TULP1: variants seen among roughly 807,000 people sequenced by gnomAD.
TULP1 encodes tubby-related protein 1.
A neutral mutation model predicts 67.1 loss-of-function variants in TULP1; 50 were observed. The observed-to-expected ratio is 0.75, with a 90% CI of 0.59 to 0.94. The LOEUF is 0.94. Ranked by LOEUF, TULP1 falls within the 40% of genes least tolerant of loss-of-function variation. TULP1 has a pLI of 0.00. For synonymous variants in TULP1, 297 were observed against 294.0 expected (o/e 1.01, Z -0.11); for missense variants, 746 against 734.1 (o/e 1.02, Z -0.19).
chr6:35,506,422 C>T, intron 8 of TULP1, 143 bp from the exon 9 acceptor site: 2 of 1,068,244 alleles, frequency 1.9e-6, no homozygotes, highest in Non-Finnish European at 2.8e-6. Context: ...TATTTTGATT[C>T]TGCTTAGCTT....
chr6:35,499,722 C>T (rs1285624864), intron 14 of TULP1, among the ~76,000 whole-genome samples: 1 of 152,164 alleles, frequency 6.6e-6, no homozygotes, highest in African/African-American at 2.4e-5. Context: ...CAGAATGTCC[C>T]AGTATCTAAC....
At position 35,503,431 on chromosome 6, in the gene TULP1, T is replaced by C; in HGVS notation, c.1323+128A>G. 4.2e-6 allele frequency: 4 copies of C among 960,846 alleles called. No homozygotes were observed. Among genetic ancestry groups the C allele is most frequent in the Non-Finnish European group, 3.2e-6 (2 of 627,534 alleles). 59.5% of individuals were successfully genotyped at this position (960,846 alleles called of 1,614,324 possible). A position where few individuals can be genotyped will look rare whatever the true frequency, so the allele number is the denominator to read the frequency against. On this transcript the variant is annotated intron_variant, in intron 13 of 14. Coordinates refer to ENST00000229771, the MANE Select transcript of TULP1 (RefSeq NM_003322.6). The surrounding 1 kb of genome is among the most constrained non-coding windows in gnomAD (Gnocchi z 4.0). ...TTACAAAAAGCCCAAGTCCATTCCC[T>C]AGGTGGCCAGAATGAATTTGTGTTG...
Position 35,505,853 on chromosome 6 carries a change from C to G in TULP1, c.1000G>C (p.Val334Leu), listed in dbSNP as rs1008900949. The G allele has an allele frequency of 6.2e-7, 1 of 1,614,140 alleles. No individual in the cohort carries two copies. Among genetic ancestry groups the G allele is most frequent in the Non-Finnish European group, 8.5e-7 (1 of 1,180,024 alleles). ...YFLHLDTEKKVFLLAGRKRKR... is the reference protein window; with the variant it reads ...YFLHLDTEKKLFLLAGRKRKR... ...CGTTTCCTGCCAGCCAAGAGGAACA[C>G]CTGGGGAAAAGGGGAGACAGGTGAG... The change falls in exon 11 of 15, where the codon GTG becomes CTG. Residue 334 changes from valine to leucine, a missense_variant and splice_region_variant. This residue lies in a region of TULP1 where 383 missense variants were observed against 374.1 expected (regional missense o/e 1.02). Coordinates refer to ENST00000229771, the MANE Select transcript of TULP1 (RefSeq NM_003322.6).
chr6:35,502,468 A>G (rs1369218029), intron 13 of TULP1, among the ~76,000 whole-genome samples: 1 of 150,824 alleles, frequency 6.6e-6, no homozygotes, highest in Non-Finnish European at 1.5e-5. Flanking sequence ...CTGGGGTCAC[A>G]AGCGTGAGCC....
chr6:35,503,666 G>C lies in TULP1; in HGVS notation c.1225-9C>G, dbSNP rs760566258. Reference sequence around the variant, plus strand: ...CCCAGCACGTTGGTTTCCTGGGAAGGAAACAGATGCCTGTGAGGCCAGCCC... The same window carrying C: ...CCCAGCACGTTGGTTTCCTGGGAAGCAAACAGATGCCTGTGAGGCCAGCCC... On this transcript the variant is annotated splice_polypyrimidine_tract_variant and intron_variant, in intron 12 of 14. Coordinates refer to ENST00000229771, the MANE Select transcript of TULP1 (RefSeq NM_003322.6). This position sits in a 1 kb window ranked among gnomAD's most constrained non-coding sequence, Gnocchi z 4.0. The C allele has an allele frequency of 4.4e-6, 7 of 1,597,556 alleles. No individual in the cohort carries two copies. The highest frequency in any genetic ancestry group is 1.3e-5 in the African/African-American group (1 of 74,530).
Position 35,506,251 on chromosome 6 carries a change from G to A in TULP1, c.828+23C>T, listed in dbSNP as rs759221453. The A allele has an allele frequency of 7.5e-6, 12 of 1,596,630 alleles. No homozygotes were observed. In the Admixed American group the frequency reaches 1.9e-4, roughly 26 times the overall value. ...CAGCAGGTCCCAGTGCTGAGACACG[G>A]GCAGCCCGGCAGGACAACTCACCGC... On this transcript the variant is annotated intron_variant, in intron 9 of 14. Coordinates refer to ENST00000229771, the MANE Select transcript of TULP1 (RefSeq NM_003322.6).
At chr6:35,510,814 G>A (rs1008103508) in intron 5 of TULP1, 47 bp downstream of exon 5, 9 of 1,611,710 alleles carry the variant, frequency 5.6e-6, no homozygotes, top group Non-Finnish European at 7.6e-6. Flanking sequence ...CCAAGGACAG[G>A]GCTGTTCTGC....
chr6:35,498,510 C>T lies in TULP1; in HGVS notation c.1496-50G>A, dbSNP rs1768758220. 6.8e-6 allele frequency: 11 copies of T among 1,611,034 alleles called. No individual in the cohort carries two copies. Among genetic ancestry groups the T allele is most frequent in the African/African-American group, 1.3e-5 (1 of 74,904 alleles). ...GCGGCCCGAGACCTCCTTGGACCCC[C>T]ATCCTGGCAGACAGTGCCCTCAACC... On this transcript the variant is annotated intron_variant, in intron 14 of 14. Coordinates refer to ENST00000229771, the MANE Select transcript of TULP1 (RefSeq NM_003322.6). This position sits in a 1 kb window ranked among gnomAD's most constrained non-coding sequence, Gnocchi z 6.7.
At chr6:35,510,762 T>C in intron 5 of TULP1, 99 bp downstream of exon 5, 1 of 1,603,124 alleles carries the variant, frequency 6.2e-7, no homozygotes, top group South Asian at 1.1e-5. Flanking sequence ...TGGGTTCATT[T>C]TGAGGCCTCA....
At chr6:35,512,295 G>T in intron 2 of TULP1, 25 bp from the exon 3 acceptor site, 1 of 1,288,286 alleles carries the variant, frequency 7.8e-7, no homozygotes, top group Non-Finnish European at 1.0e-6. Flanking sequence ...TCAAGAGGAG[G>T]TCGAGGAAGG....
At chr6:35,505,358 G>A (rs1466292667) in intron 11 of TULP1, among the ~76,000 whole-genome samples, 1 of 152,200 alleles carries the variant, frequency 6.6e-6, no homozygotes, top group African/African-American at 2.4e-5. Context: ...CTGAATATAT[G>A]TTCATTCACT....
Position 35,512,802 on chromosome 6 carries a change from C to A in TULP1, c.47+10G>T, listed in dbSNP as rs200708226. 7.1e-7 allele frequency: 1 copy of A among 1,402,846 alleles called. No homozygotes were observed. The highest frequency in any genetic ancestry group is 9.6e-7 in the Non-Finnish European group (1 of 1,046,484). The allele number at this position is 1,402,846 out of a possible 1,614,324, so 86.9% of individuals were successfully genotyped here. On this transcript the variant is annotated intron_variant, in intron 1 of 14. Coordinates refer to ENST00000229771, the MANE Select transcript of TULP1 (RefSeq NM_003322.6). ...GGGTTCAGGTGCCACGAACTGGGGG[C>A]CTTCCAGACCTGTCAGAGGCCCACA...
intron 8 of TULP1, 97 bp from the exon 9 acceptor site, chr6:35,506,376 C>A (rs965188112): frequency 7.4e-6 from 11 of 1,491,344 alleles, no homozygotes; most frequent in Middle Eastern, 2.3e-4. Context: ...CAGCCCGGCA[C>A]GGCCAAGTTA....
intron 8 of TULP1, among the ~76,000 whole-genome samples, chr6:35,506,689 G>A (rs1283947738): frequency 1.3e-5 from 2 of 152,152 alleles, no homozygotes; most frequent in African/African-American, 2.4e-5. Flanking sequence ...ACCCCACTGC[G>A]ATAGTCATCC....
In TULP1 at chr6:35,511,775, A is replaced by C. The variant is rs1447321919; in HGVS notation, c.222T>G (p.Pro74=). Residue 74 remains proline, a synonymous_variant, in exon 4 of 15, where the codon CCT becomes CCG. Transcript: ENST00000229771. ...CCCGGGCCTGGGCTGGGTCTGGGGA[A>C]GGCTCCTCCCGCGGCCTCCCCGTCC... The part of the protein sequence containing the change: ...AGRTGRPREE[P]SPDPAQARAP... The C allele has an allele frequency of 8.9e-6, 14 of 1,574,770 alleles. No individual in the cohort carries two copies. The Middle Eastern group carries it at 5.1e-4, about 57-fold the overall frequency.
At chr6:35,509,113 AGT>A in intron 8 of TULP1, 94 bp downstream of exon 8, 1 of 1,054,458 alleles carries the variant, frequency 9.5e-7, no homozygotes, top group Non-Finnish European at 1.5e-6. Context: ...TCTAACCTCA[AGT>A]GGCTCCAAGC....
Position 35,498,047 on chromosome 6 carries a change from G to A in TULP1, c.*280C>T. 3.4e-6 allele frequency: 2 copies of A among 582,134 alleles called. No homozygotes were observed. The highest frequency in any genetic ancestry group is 6.1e-6 in the Non-Finnish European group (2 of 327,046). The allele number at this position is 582,134 out of a possible 1,614,324, so 36.1% of individuals were successfully genotyped here. A position where few individuals can be genotyped will look rare whatever the true frequency, so the allele number is the denominator to read the frequency against. On this transcript the variant is annotated 3_prime_UTR_variant, in exon 15 of 15. Coordinates refer to ENST00000229771, the MANE Select transcript of TULP1 (RefSeq NM_003322.6). The surrounding 1 kb of genome is among the most constrained non-coding windows in gnomAD (Gnocchi z 6.7). ...CCGGACAGGAAGTGACTGGGGCGCG[G>A]GGAGGAGGGGGGCACAGCGGCGCAG...
In TULP1 at chr6:35,499,961, C is replaced by T. The variant is rs1283987967; in HGVS notation, c.1495+20G>A. On this transcript the variant is annotated intron_variant, in intron 14 of 14. Transcript: ENST00000229771. ...TGGGGGTGGTGGAGAAGAGCCAGAC[C>T]TGGGCCCTCAGGTACTCACGGTCAT... 4 of 1,613,610 alleles carry T rather than the reference C, an allele frequency of 2.5e-6. No individual in the cohort carries two copies. The Admixed American group carries it at 5.0e-5, about 20-fold the overall frequency.
At chr6:35,511,581 T>A in intron 4 of TULP1, 67 bp downstream of exon 4, 1 of 1,556,608 alleles carries the variant, frequency 6.4e-7, no homozygotes, top group Non-Finnish European at 8.7e-7. Flanking sequence ...GCCGTTCCCG[T>A]CCAGCCAGCC....
Sources: gnomAD v4.1 joint callset for allele counts (sites outside exome capture counted in the v4.1 genomes callset) on GRCh38, gnomAD v4.1.1 for gene constraint, gnomAD v4.1.1 regional missense constraint, Gnocchi (gnomAD v3.1) non-coding constraint, MANE v1.5 for transcripts, NCBI Gene and HGNC (gene_info 2026-07-23, HGNC 2026-07-21) for gene names.